Variants in PTPRU observed in about 807,000 individuals in gnomAD.
PTPRU encodes receptor-type tyrosine-protein phosphatase U.
A neutral mutation model predicts 166.3 loss-of-function variants in PTPRU; 69 were observed. The observed-to-expected ratio is 0.41, with a 90% CI of 0.34 to 0.51. The LOEUF (loss-of-function observed/expected upper bound fraction) is 0.51. Ranked by LOEUF, PTPRU falls within the 20% of genes least tolerant of loss-of-function variation. The pLI is 0.09. For missense variants in PTPRU, 1,657 were observed against 2,013.7 expected (o/e 0.82, Z 3.39); for synonymous variants, 793 against 814.0 (o/e 0.97, Z 0.44).
intron 7 of PTPRU, among the ~76,000 whole-genome samples, chr1:29,269,244 A>G (rs1255315923): frequency 1.4e-3 from 38 of 27,624 alleles, no homozygotes; most frequent in African/African-American, 3.6e-3. Context: ...ATATATATAT[A>G]TATTTTTTTT....
At chr1:29,289,732 C>G in intron 14 of PTPRU, 2 of 1,613,672 alleles carry the variant, frequency 1.2e-6, no homozygotes, top group Non-Finnish European at 1.7e-6. Flanking sequence ...TCTACCTTGC[C>G]TGGGAGTCCC....
intron 18 of PTPRU, 135 bp downstream of exon 18, chr1:29,305,563 C>T: frequency 1.1e-6 from 1 of 921,756 alleles, no homozygotes. Flanking sequence ...TCTCTGCAGT[C>T]AGTGCCAGGG....
At chr1:29,281,091 T>C (rs1231650684) in intron 11 of PTPRU, among the ~76,000 whole-genome samples, 2 of 152,014 alleles carry the variant, frequency 1.3e-5, no homozygotes, top group African/African-American at 2.4e-5. Context: ...AGGTACATGC[T>C]CTGGGAGAGG....
Position 29,325,804 on chromosome 1 carries a change from C to T in PTPRU, c.*143C>T, listed in dbSNP as rs1688388342. ...GGAGTGGATGCTGGGCTATCTTGCT[C>T]CCCCTTCCACTGTGGGCAGGGCCTT... On this transcript the variant is annotated 3_prime_UTR_variant, in exon 30 of 30. Coordinates refer to ENST00000373779, the MANE Select transcript of PTPRU (RefSeq NM_133178.4). The T allele has an allele frequency of 3.2e-6, 3 of 934,012 alleles. No individual in the cohort carries two copies. Among genetic ancestry groups the T allele is most frequent in the Non-Finnish European group, 3.1e-6 (2 of 645,630 alleles). The allele number at this position is 934,012 out of a possible 1,614,324, so 57.9% of individuals were successfully genotyped here. A position where few individuals can be genotyped will look rare whatever the true frequency, so the allele number is the denominator to read the frequency against.
At chr1:29,253,477 G>A (rs552313791) in intron 1 of PTPRU, among the ~76,000 whole-genome samples, 10 of 152,230 alleles carry the variant, frequency 6.6e-5, no homozygotes, top group African/African-American at 2.2e-4. Flanking sequence ...ATAGGTCAGA[G>A]AGAAATTTTG....
chr1:29,320,516 C>A lies in PTPRU; in HGVS notation c.3688-169C>A. The A allele has an allele frequency of 1.4e-6, 1 of 706,292 alleles. No individual in the cohort carries two copies. The allele number at this position is 706,292 out of a possible 1,614,324, so 43.8% of individuals were successfully genotyped here. On this transcript the variant is annotated intron_variant, in intron 25 of 29. Coordinates refer to ENST00000373779, the MANE Select transcript of PTPRU (RefSeq NM_133178.4). The surrounding 1 kb of genome is among the most constrained non-coding windows in gnomAD (Gnocchi z 5.2). ...CCTGGGCCCACCCTGTCAACCCAGG[C>A]CTCAGTGTGCCAACCAACATCAGAA...
rs1249837190 is a variant in PTPRU at position 29,257,415 on chromosome 1, C to T, written c.206-1090C>T. On this transcript the variant is annotated intron_variant, in intron 2 of 29. Transcript: ENST00000373779. The surrounding 1 kb of genome is among the most constrained non-coding windows in gnomAD (Gnocchi z 4.6). Reference sequence around the variant, plus strand: ...GAGTCCCTGGGGAGCCCTCCTGGAGCGGGGATCTGAGTGAGCTTGTGTTGG... The same window carrying T: ...GAGTCCCTGGGGAGCCCTCCTGGAGTGGGGATCTGAGTGAGCTTGTGTTGG... Among the ~76,000 whole-genome samples, 1 of 152,046 alleles carries T rather than the reference C, an allele frequency of 6.6e-6. No homozygotes were observed. The highest frequency in any genetic ancestry group is 1.5e-5 in the Non-Finnish European group (1 of 67,996).
chr1:29,275,350 G>T, intron 7 of PTPRU, 98 bp from the exon 8 acceptor site: 2 of 1,323,772 alleles, frequency 1.5e-6, no homozygotes, highest in Non-Finnish European at 2.1e-6. Flanking sequence ...ATGGAGGGAT[G>T]ATTTCAGGCA....
At chr1:29,319,474 A>G (rs1688050963) in intron 25 of PTPRU, among the ~76,000 whole-genome samples, 1 of 152,100 alleles carries the variant, frequency 6.6e-6, no homozygotes, top group South Asian at 2.1e-4. Context: ...AGGAGGCCCC[A>G]TTTCTCAGAC....
intron 2 of PTPRU, 36 bp from the exon 3 acceptor site, chr1:29,258,469 C>A (rs757044648): frequency 2.5e-6 from 4 of 1,596,798 alleles, no homozygotes; most frequent in Non-Finnish European, 3.4e-6. Context: ...CCCCTGAGGT[C>A]TCCTCATCTC....
rs576908223 is a variant in PTPRU, at chr1:29,305,042, A to G, written c.2743+193A>G. On this transcript the variant is annotated intron_variant, in intron 17 of 29. Coordinates refer to ENST00000373779, the MANE Select transcript of PTPRU (RefSeq NM_133178.4). ...CTTCAATTTCCCTGTGAAACGGGAA[A>G]TACTATAATCCCTGTTTTACAAATA... Among the ~76,000 whole-genome samples the G allele has an allele frequency of 2.6e-5, 4 of 152,346 alleles. No individual in the cohort carries two copies. In the East Asian group the frequency reaches 7.7e-4, roughly 29 times the overall value.
Position 29,315,962 on chromosome 1 carries a change from C to T in PTPRU, c.3364-40C>T, listed in dbSNP as rs1361615468. The T allele has an allele frequency of 1.2e-6, 2 of 1,609,174 alleles. No homozygotes were observed. The highest frequency in any genetic ancestry group is 4.5e-5 in the East Asian group (2 of 44,838). On this transcript the variant is annotated intron_variant, in intron 23 of 29. Coordinates refer to ENST00000373779, the MANE Select transcript of PTPRU (RefSeq NM_133178.4). This position sits in a 1 kb window ranked among gnomAD's most constrained non-coding sequence, Gnocchi z 4.5. ...CCCCATCACCACAGATCTCCAGCTT[C>T]TAGGCCCCTCCTCGGCCTCATTCTC...
chr1:29,283,026 C>G, intron 12 of PTPRU, 77 bp downstream of exon 12: 1 of 1,556,858 alleles, frequency 6.4e-7, no homozygotes, highest in South Asian at 1.2e-5. Flanking sequence ...TTGGAGCAGG[C>G]CCAGCGCAGA....
intron 26 of PTPRU, among the ~76,000 whole-genome samples, chr1:29,322,633 G>A (rs1160061814): frequency 1.3e-5 from 2 of 152,154 alleles, no homozygotes; most frequent in African/African-American, 4.8e-5. Context: ...GGGGATTGAT[G>A]AGCACGGTGT....
At chr1:29,269,291 C>T (rs1685457967) in intron 7 of PTPRU, among the ~76,000 whole-genome samples, 1 of 97,900 alleles carries the variant, frequency 1.0e-5, no homozygotes, top group Admixed American at 1.6e-4. Flanking sequence ...GACAGGGTTT[C>T]ACTCTGTTGC....
At chr1:29,284,261 C>T (rs971083328) in intron 13 of PTPRU, among the ~76,000 whole-genome samples, 1 of 152,108 alleles carries the variant, frequency 6.6e-6, no homozygotes, top group Non-Finnish European at 1.5e-5. Context: ...CGTATCTGTC[C>T]GGCTTTCCTG....
chr1:29,291,883 T>C lies in PTPRU; in HGVS notation c.2333T>C (p.Met778Thr), dbSNP rs1197564184. ...CCCCTCTCCAGGAAGCCGGTGAACA[T>C]GACCAAGGCCACCGTCAACTACCGC... ...VIIRKGKPVN[M>T]TKATVNYRQE... is the part of the protein sequence containing the mutation. Residue 778 changes from methionine to threonine, a missense_variant, in exon 15 of 30, where the codon ATG becomes ACG. Physicochemically the swap from Met to Thr is moderately conservative, Grantham distance 81 (BLOSUM62 -1). This residue lies in a region of PTPRU where 1,190 missense variants were observed against 1,477.4 expected (regional missense o/e 0.81). Coordinates refer to ENST00000373779, the MANE Select transcript of PTPRU (RefSeq NM_133178.4). This position sits in a 1 kb window ranked among gnomAD's most constrained non-coding sequence, Gnocchi z 4.1. 6.2e-7 allele frequency: 1 copy of C among 1,613,988 alleles called. No individual in the cohort carries two copies. Among genetic ancestry groups the C allele is most frequent in the African/African-American group, 1.3e-5 (1 of 75,046 alleles).
intron 11 of PTPRU, among the ~76,000 whole-genome samples, chr1:29,282,067 T>A (rs1291312430): frequency 6.6e-6 from 1 of 152,234 alleles, no homozygotes; most frequent in Non-Finnish European, 1.5e-5. Flanking sequence ...AGAGGCTGCC[T>A]TGGCATTGGG....
rs1384089441 is a variant in PTPRU, at chr1:29,279,054, T to C, written c.1496T>C (p.Leu499Pro). 6.3e-7 allele frequency: 1 copy of C among 1,593,818 alleles called. No homozygotes were observed. Among genetic ancestry groups the C allele is most frequent in the Non-Finnish European group, 8.5e-7 (1 of 1,169,642 alleles). The part of the protein sequence containing the change: ...IAAESLTFTP[L>P]EDMIFLKWEE... ...GCCGAGTCCCTGACCTTCACTCCAC[T>C]GGAGGACATGATCTTCCTCAAGTGG... Residue 499 changes from leucine (L) to proline (P), a missense_variant, in exon 9 of 30, where the codon CTG (leucine) becomes CCG (proline). This residue lies in a region of PTPRU where 1,190 missense variants were observed against 1,477.4 expected (regional missense o/e 0.81). Transcript: ENST00000373779. This position sits in a 1 kb window ranked among gnomAD's most constrained non-coding sequence, Gnocchi z 5.2.
Sources: allele counts gnomAD v4.1 joint callset (sites outside exome capture counted in the v4.1 genomes callset), GRCh38; gene constraint gnomAD v4.1.1; regional missense constraint gnomAD v4.1.1; non-coding constraint Gnocchi (gnomAD v3.1); transcripts MANE v1.5; gene names NCBI Gene and HGNC (gene_info 2026-07-23, HGNC 2026-07-21).